Variants in SLC26A7 observed in about 807,000 individuals in gnomAD.
The protein encoded by SLC26A7 is solute carrier family 26 member 7, also known as anion exchange transporter.
In SLC26A7, 59 loss-of-function variants were observed where a neutral mutation model predicts 82.5. That is an observed-to-expected ratio of 0.72 (90% CI 0.58 to 0.89). The LOEUF is 0.89. SLC26A7 is among the 40% of genes least tolerant of loss of function. The probability of loss-of-function intolerance (pLI) is 0.00; values close to 1 mark genes in which losing one functional copy is unlikely to be tolerated. For missense variants in SLC26A7, 820 were observed against 793.0 expected, an observed-to-expected ratio of 1.03 and a Z score of -0.41; for synonymous variants, 271 against 274.3, an observed-to-expected ratio of 0.99 and a Z score of 0.12.
chr8:91,290,134 A>G (rs914530497), intron 3 of SLC26A7, among the ~76,000 whole-genome samples: 1 of 152,220 alleles, frequency 6.6e-6, no homozygotes, highest in African/African-American at 2.4e-5. Context: ...AGTCTTAACT[A>G]TTAAGGAAAT....
rs1157967421 is a variant in SLC26A7 at position 91,343,483 on chromosome 8, A to G, written c.1140+17A>G. ...AAGACACAGGTAACTGAATTGTTCC[A>G]CAGGGACAAAGCACTGCTGGGCCTT... On this transcript the variant is annotated intron_variant, in intron 9 of 18. Transcript: ENST00000276609. 1 of 1,579,820 alleles carries G rather than the reference A, an allele frequency of 6.3e-7. No homozygotes were observed. Among genetic ancestry groups the G allele is most frequent in the African/African-American group, 1.3e-5 (1 of 74,424 alleles).
chr8:91,281,074 G>A (rs1457979561), intron 2 of SLC26A7, among the ~76,000 whole-genome samples: 10 of 152,194 alleles, frequency 6.6e-5, no homozygotes, highest in Middle Eastern at 3.4e-3. Context: ...TTTCCTAATG[G>A]CTTCCTTAAA....
intron 2 of SLC26A7, among the ~76,000 whole-genome samples, chr8:91,241,276 T>G (rs890232583): frequency 6.6e-6 from 1 of 152,082 alleles, no homozygotes; most frequent in East Asian, 1.9e-4. Context: ...AAATAAAAAA[T>G]TACATGTATA....
At chr8:91,257,202 T>C (rs1810828851) in intron 2 of SLC26A7, among the ~76,000 whole-genome samples, 2 of 152,102 alleles carry the variant, frequency 1.3e-5, no homozygotes, top group South Asian at 4.1e-4. Flanking sequence ...TTAGGAGAGA[T>C]GGAGGGGAGA....
intron 13 of SLC26A7, among the ~76,000 whole-genome samples, chr8:91,365,121 T>G (rs1024494766): frequency 6.6e-6 from 1 of 151,982 alleles, no homozygotes; most frequent in African/African-American, 2.4e-5. Context: ...ACTGATAATT[T>G]CTTTTCTAGA....
chr8:91,297,410 A>G (rs1161417937), intron 4 of SLC26A7, among the ~76,000 whole-genome samples: 1 of 152,098 alleles, frequency 6.6e-6, no homozygotes, highest in African/African-American at 2.4e-5. Context: ...TTCTAACAAC[A>G]TAAAAAATAT....
chr8:91,290,866 A>C (rs1436392304), intron 3 of SLC26A7, among the ~76,000 whole-genome samples: 1 of 152,172 alleles, frequency 6.6e-6, no homozygotes, highest in Non-Finnish European at 1.5e-5. Context: ...GGGAAGGAAC[A>C]ACACTTATCA....
chr8:91,374,385 G>GTT (rs35097006), intron 15 of SLC26A7, among the ~76,000 whole-genome samples: 2 of 143,786 alleles, frequency 1.4e-5, no homozygotes, highest in African/African-American at 5.0e-5. Context: ...TCTTAACACT[G>GTT]TTTTTTTTTT....
chr8:91,269,427 T>C (rs1033397714), intron 2 of SLC26A7, among the ~76,000 whole-genome samples: 17 of 152,126 alleles, frequency 1.1e-4, no homozygotes, highest in Non-Finnish European at 1.8e-4. Flanking sequence ...TTGTTTTCCC[T>C]TAGCACTTTG....
At chr8:91,234,569 C>G (rs939043675) in intron 2 of SLC26A7, among the ~76,000 whole-genome samples, 9 of 151,766 alleles carry the variant, frequency 5.9e-5, no homozygotes, top group Non-Finnish European at 1.3e-4. Context: ...AAAATACTTG[C>G]TCCATTCTCA....
intron 8 of SLC26A7, among the ~76,000 whole-genome samples, chr8:91,341,355 T>C (rs1429270509): frequency 2.0e-5 from 3 of 152,176 alleles, no homozygotes; most frequent in Non-Finnish European, 4.4e-5. Context: ...CCATGGTGTA[T>C]ATGTGCCACA....
chr8:91,337,219 GA>G lies in SLC26A7; in HGVS notation c.796-924del, dbSNP rs146939901. 4.4e-3 allele frequency among the ~76,000 whole-genome samples: 666 copies of G among 152,032 alleles called. 4 individuals carry two copies. The highest frequency in any genetic ancestry group is 0.014 in the African/African-American group (581 of 41,494). On this transcript the variant is annotated intron_variant, in intron 6 of 18. Transcript: ENST00000276609. ...AGAGAAGAGAACAACAGGAATAGGGGAAAAAAACCTATACAATTATATTATT... is the reference window on the plus strand; with the variant it reads ...AGAGAAGAGAACAACAGGAATAGGGGAAAAAACCTATACAATTATATTATT...
At chr8:91,383,884 T>C (rs1814728701) in intron 15 of SLC26A7, among the ~76,000 whole-genome samples, 2 of 152,208 alleles carry the variant, frequency 1.3e-5, no homozygotes, top group African/African-American at 4.8e-5. Context: ...TAATCTTTCT[T>C]GTACATATTG....
intron 2 of SLC26A7, among the ~76,000 whole-genome samples, chr8:91,261,281 A>G (rs968834030): frequency 6.6e-6 from 1 of 152,170 alleles, no homozygotes; most frequent in Admixed American, 6.5e-5. Flanking sequence ...TAAGACAACA[A>G]TCCAGCCCAC....
intron 2 of SLC26A7, among the ~76,000 whole-genome samples, chr8:91,237,062 G>A (rs1404575349): frequency 5.3e-5 from 8 of 152,156 alleles, no homozygotes; most frequent in Non-Finnish European, 7.3e-5. Context: ...ACTACTACCC[G>A]CTATCATTGA....
At chr8:91,350,762 T>C (rs1173641245) in intron 9 of SLC26A7, among the ~76,000 whole-genome samples, 2 of 152,166 alleles carry the variant, frequency 1.3e-5, no homozygotes, top group South Asian at 2.1e-4. Context: ...TTGGCATTTA[T>C]GAATAAAGGT....
chr8:91,239,991 T>C (rs899276541), intron 2 of SLC26A7, among the ~76,000 whole-genome samples: 6 of 152,190 alleles, frequency 3.9e-5, no homozygotes, highest in African/African-American at 7.2e-5. Context: ...ACTAATGAAA[T>C]TTATGGAAGC....
At chr8:91,326,935 G>A (rs973312407) in intron 5 of SLC26A7, among the ~76,000 whole-genome samples, 2 of 152,114 alleles carry the variant, frequency 1.3e-5, no homozygotes, top group Non-Finnish European at 2.9e-5. Context: ...CTTCCCTGCT[G>A]TTTGTTCTTC....
chr8:91,341,289 C>T (rs1250017837), intron 8 of SLC26A7, among the ~76,000 whole-genome samples: 2 of 152,064 alleles, frequency 1.3e-5, no homozygotes. Flanking sequence ...TTTCCAATTT[C>T]ATCCATGTCC....
Sources: gnomAD v4.1 joint callset for allele counts (sites outside exome capture counted in the v4.1 genomes callset) on GRCh38, gnomAD v4.1.1 for gene constraint, MANE v1.5 for transcripts, NCBI Gene and HGNC (gene_info 2026-07-23, HGNC 2026-07-21) for gene names.